The following NRXN1 variants were observed in gnomAD, a reference collection of about 807,000 sequenced individuals.
NRXN1 encodes the protein neurexin-1.
In NRXN1, 39 loss-of-function variants were observed where a neutral mutation model predicts 150.9. The ratio of observed to expected loss-of-function variants is 0.26; its 90% CI spans 0.20 to 0.34. NRXN1 has a LOEUF of 0.34. Among genes scored for constraint, NRXN1 ranks in the 10% least tolerant of loss-of-function variants. NRXN1 has a pLI of 1.00. For missense variants in NRXN1, 1,815 were observed against 1,949.9 expected, an observed-to-expected ratio of 0.93 and a Z score of 1.30; for synonymous variants, 924 against 757.0, an observed-to-expected ratio of 1.22 and a Z score of -3.62.
rs1042014071 is a variant in NRXN1, at chr2:50,538,568, C to T, written c.1828G>A (p.Asp610Asn). ...AGCCCCCCCAGGTACAACTCATCAT[C>T]CAGGTCCAGAATCTCACTCTCACCA... ...APGESEILDLDDELYLGGLPE... is the reference protein window; with the variant it reads ...APGESEILDLNDELYLGGLPE... The change falls in exon 10 of 23, where the codon GAT (aspartate) becomes AAT (asparagine). Residue 610 changes from aspartate (D) to asparagine (N), a missense_variant. By Grantham distance (23) the Asp-to-Asn change is conservative. Coordinates refer to ENST00000401669, the MANE Select transcript of NRXN1 (RefSeq NM_001330078.2). 2 of 1,566,772 alleles carry T rather than the reference C, an allele frequency of 1.3e-6. No homozygotes were observed. The highest frequency in any genetic ancestry group is 2.7e-5 in the African/African-American group (2 of 74,028).
chr2:50,799,928 G>C (rs980174851), intron 5 of NRXN1, among the ~76,000 whole-genome samples: 41 of 152,000 alleles, frequency 2.7e-4, no homozygotes, highest in Admixed American at 2.6e-3. Context: ...GAGAGACAGA[G>C]ACAGAGAAAC....
At chr2:49,993,912 G>A (rs1179118384) in intron 21 of NRXN1, among the ~76,000 whole-genome samples, 1 of 152,078 alleles carries the variant, frequency 6.6e-6, no homozygotes, top group Admixed American at 6.6e-5. Context: ...TAGAAGAACT[G>A]GCTGTGGTGA....
intron 17 of NRXN1, among the ~76,000 whole-genome samples, chr2:50,445,258 T>G (rs2086297430): frequency 1.3e-5 from 2 of 152,128 alleles, no homozygotes. Context: ...ATTCCATATA[T>G]TTTGCTCAAA....
chr2:50,713,399 G>A (rs1009781047), intron 5 of NRXN1, among the ~76,000 whole-genome samples: 1 of 151,988 alleles, frequency 6.6e-6, no homozygotes, highest in East Asian at 1.9e-4. Flanking sequence ...CTTTACACAG[G>A]GCAAATTTTA....
At chr2:50,512,152 C>T (rs2092474634) in intron 12 of NRXN1, among the ~76,000 whole-genome samples, 1 of 152,098 alleles carries the variant, frequency 6.6e-6, no homozygotes, top group Admixed American at 6.5e-5. Flanking sequence ...TACCTCGCGG[C>T]TACATGAAAG....
At chr2:50,781,681 A>G (rs1704371038) in intron 5 of NRXN1, among the ~76,000 whole-genome samples, 1 of 152,262 alleles carries the variant, frequency 6.6e-6, no homozygotes, top group African/African-American at 2.4e-5. Flanking sequence ...CACTTTATAA[A>G]GCAATTCTCT....
At chr2:50,141,332 G>T (rs1392840926) in intron 18 of NRXN1, among the ~76,000 whole-genome samples, 1 of 151,730 alleles carries the variant, frequency 6.6e-6, no homozygotes, top group Non-Finnish European at 1.5e-5. Flanking sequence ...AGATTTAAAG[G>T]CAAGACCTGA....
At chr2:49,964,074 G>C (rs983520630) in intron 21 of NRXN1, among the ~76,000 whole-genome samples, 1 of 152,230 alleles carries the variant, frequency 6.6e-6, no homozygotes, top group East Asian at 1.9e-4. Flanking sequence ...CTGAAGTTCA[G>C]GGAATGCTTT....
chr2:50,612,352 A>G (rs1559018348), intron 8 of NRXN1, among the ~76,000 whole-genome samples: 1 of 152,216 alleles, frequency 6.6e-6, no homozygotes. Context: ...TAAAGACAAA[A>G]TACCAGAAAT....
intron 5 of NRXN1, among the ~76,000 whole-genome samples, chr2:50,679,590 T>C (rs1029666214): frequency 6.6e-6 from 1 of 152,114 alleles, no homozygotes; most frequent in South Asian, 2.1e-4. Context: ...TTGACATGGA[T>C]CATTGATGAC....
At chr2:50,010,276 G>A (rs777254887) in intron 21 of NRXN1, among the ~76,000 whole-genome samples, 1 of 152,070 alleles carries the variant, frequency 6.6e-6, no homozygotes, top group Non-Finnish European at 1.5e-5. Context: ...AGCTGGGATG[G>A]CCGAGATAAT....
intron 8 of NRXN1, among the ~76,000 whole-genome samples, chr2:50,562,071 G>A (rs1213138194): frequency 6.6e-6 from 1 of 152,078 alleles, no homozygotes; most frequent in East Asian, 1.9e-4. Context: ...TATTTTATTA[G>A]GGGAACCTAT....
intron 10 of NRXN1, 148 bp downstream of exon 10, chr2:50,538,104 AT>A: frequency 2.5e-6 from 2 of 803,518 alleles, no homozygotes; most frequent in Non-Finnish European, 3.8e-6. Flanking sequence ...CTCATTAGTA[AT>A]CCATGTCAGG....
At chr2:50,177,717 T>A (rs1413857863) in intron 18 of NRXN1, among the ~76,000 whole-genome samples, 1 of 151,948 alleles carries the variant, frequency 6.6e-6, no homozygotes, top group South Asian at 2.1e-4. Context: ...TACTCTAGAA[T>A]GTTTCCTGAA....
intron 8 of NRXN1, among the ~76,000 whole-genome samples, chr2:50,598,748 A>T (rs928400721): frequency 3.4e-5 from 5 of 147,724 alleles, no homozygotes; most frequent in South Asian, 2.1e-4. Context: ...ATATATATAT[A>T]TTTTATTTTT....
intron 5 of NRXN1, among the ~76,000 whole-genome samples, chr2:50,626,480 T>C (rs1210168380): frequency 6.6e-6 from 1 of 151,956 alleles, no homozygotes; most frequent in Admixed American, 6.6e-5. Context: ...TAAGCATATA[T>C]GAAAACAATT....
intron 5 of NRXN1, among the ~76,000 whole-genome samples, chr2:50,875,554 C>T (rs1359234188): frequency 1.3e-5 from 2 of 151,698 alleles, no homozygotes; most frequent in African/African-American, 2.4e-5. Flanking sequence ...CAAGCTTGCT[C>T]TTGGGAAACA....
intron 10 of NRXN1, among the ~76,000 whole-genome samples, chr2:50,533,880 C>T (rs1459864487): frequency 6.6e-6 from 1 of 152,138 alleles, no homozygotes; most frequent in African/African-American, 2.4e-5. Flanking sequence ...CCAGAGAGAC[C>T]TGCTACCCAC....
At position 50,296,969 on chromosome 2, in the gene NRXN1, G is replaced by A. The variant is rs148367949; in HGVS notation, c.3365-59999C>T. 2.7e-3 allele frequency among the ~76,000 whole-genome samples: 405 copies of A among 147,382 alleles called. 2 individuals are homozygous for A. The highest frequency in any genetic ancestry group is 9.3e-3 in the African/African-American group (370 of 39,854). On this transcript the variant is annotated intron_variant, in intron 17 of 22. Transcript: ENST00000401669. ...ACAACCCTGGCTCACTGCAACCTCC[G>A]TCTCCCGGGTTCAAGCAATTCTACT...
Sources: gnomAD v4.1 joint callset for allele counts (sites outside exome capture counted in the v4.1 genomes callset) on GRCh38, gnomAD v4.1.1 for gene constraint, MANE v1.5 for transcripts, NCBI Gene and HGNC (gene_info 2026-07-23, HGNC 2026-07-21) for gene names.